The following CFAP91 variants were observed in gnomAD, a reference collection of about 807,000 sequenced individuals.
The protein encoded by CFAP91 is cilia and flagella associated protein 91, also known as cilia- and flagella-associated protein 91.
CFAP91 carries 85 observed loss-of-function variants against 95.9 expected under a neutral mutation model. The observed-to-expected ratio is 0.89, with a 90% confidence interval of 0.74 to 1.06. CFAP91 has a LOEUF of 1.06. CFAP91 is among the 50% of genes least tolerant of loss of function. CFAP91 has a pLI of 0.00. For missense variants in CFAP91, 962 were observed against 943.4 expected (o/e 1.02, Z -0.26); for synonymous variants, 335 against 327.5 (o/e 1.02, Z -0.25).
In CFAP91 at chr3:119,730,707, C is replaced by G. The variant is rs574142300; in HGVS notation, c.1018+330C>G. 9.2e-5 allele frequency among the ~76,000 whole-genome samples: 14 copies of G among 151,540 alleles called. No individual in the cohort carries two copies. The South Asian group carries it at 2.9e-3, about 32-fold the overall frequency. On this transcript the variant is annotated intron_variant, in intron 8 of 17. Coordinates refer to ENST00000273390, the MANE Select transcript of CFAP91 (RefSeq NM_033364.4). ...GGTCCACAGCCCTGGATAAAGAGCC[C>G]TGTTTCTTACCCTTTCTTCATTTTG...
At chr3:119,735,305 A>G (rs1364956072) in intron 10 of CFAP91, among the ~76,000 whole-genome samples, 3 of 152,076 alleles carry the variant, frequency 2.0e-5, no homozygotes, top group African/African-American at 7.2e-5. Flanking sequence ...GGTTTGTTTC[A>G]CAGGTCTTAC....
chr3:119,706,906 A>G, intron 2 of CFAP91, 21 bp downstream of exon 2: 1 of 1,593,654 alleles, frequency 6.3e-7, no homozygotes, highest in Non-Finnish European at 8.6e-7. Flanking sequence ...TTCATCAGCC[A>G]AGGCTACCTG....
intron 1 of CFAP91, chr3:119,706,203 T>C (rs2053357397): frequency 6.6e-6 from 1 of 152,452 alleles, no homozygotes; most frequent in African/African-American, 2.4e-5. Flanking sequence ...AAGATATACC[T>C]GATAAACAGA....
intron 6 of CFAP91, 106 bp downstream of exon 6, chr3:119,715,849 A>G: frequency 9.9e-7 from 1 of 1,007,828 alleles, no homozygotes. Context: ...GTGTTGCTAT[A>G]TAAAGTGTCT....
intron 16 of CFAP91, 56 bp from the exon 17 acceptor site, chr3:119,750,881 G>A (rs559092113): frequency 1.9e-6 from 3 of 1,589,626 alleles, no homozygotes; most frequent in East Asian, 2.2e-5. Context: ...TGAAACATTT[G>A]GGAATGGTTT....
chr3:119,738,097 C>T (rs997016181), intron 11 of CFAP91, among the ~76,000 whole-genome samples: 1 of 152,092 alleles, frequency 6.6e-6, no homozygotes, highest in Non-Finnish European at 1.5e-5. Flanking sequence ...GGCTGGTCAG[C>T]ACATTATCTC....
chr3:119,732,262 A>G (rs1394625911), intron 8 of CFAP91, 32 bp from the exon 9 acceptor site: 1 of 1,505,194 alleles, frequency 6.6e-7, no homozygotes. Context: ...ACAATATTTT[A>G]GAGATAGTCA....
chr3:119,727,658 G>A (rs77752022), intron 7 of CFAP91, among the ~76,000 whole-genome samples: 7,690 of 152,216 alleles, frequency 0.051, 274 homozygotes, highest in Admixed American at 0.067. Context: ...AGGGACAAAA[G>A]ATCTTAGTTA....
intron 17 of CFAP91, among the ~76,000 whole-genome samples, chr3:119,754,232 G>A (rs536282666): frequency 4.6e-5 from 7 of 152,334 alleles, no homozygotes; most frequent in African/African-American, 1.7e-4. Flanking sequence ...TGACTGAACT[G>A]TGTTCTAGTG....
intron 6 of CFAP91, among the ~76,000 whole-genome samples, chr3:119,720,821 TAC>T (rs1026340019): frequency 6.6e-6 from 1 of 152,252 alleles, no homozygotes; most frequent in African/African-American, 2.4e-5. Context: ...GCATATAACC[TAC>T]ACACATCCTC....
chr3:119,717,988 A>G (rs987939343), intron 6 of CFAP91, among the ~76,000 whole-genome samples: 4 of 152,110 alleles, frequency 2.6e-5, no homozygotes, highest in African/African-American at 7.2e-5. Flanking sequence ...GGTGATGAGC[A>G]GGGTTCTAAG....
intron 11 of CFAP91, among the ~76,000 whole-genome samples, chr3:119,738,413 A>G (rs1276708816): frequency 8.1e-6 from 1 of 124,218 alleles, no homozygotes; most frequent in African/African-American, 3.1e-5. Context: ...CAGTGGTGCA[A>G]CCTTGGCTCA....
chr3:119,764,807 A>G (rs1165654595), intron 17 of CFAP91, among the ~76,000 whole-genome samples: 3 of 152,104 alleles, frequency 2.0e-5, no homozygotes, highest in Non-Finnish European at 4.4e-5. Context: ...TGATGTATGT[A>G]TACAACCCAG....
chr3:119,746,235 G>A (rs2054216901), intron 14 of CFAP91, among the ~76,000 whole-genome samples: 1 of 152,184 alleles, frequency 6.6e-6, no homozygotes, highest in Non-Finnish European at 1.5e-5. Context: ...TGAGATACTG[G>A]CAGTTACTAT....
chr3:119,707,398 C>A lies in CFAP91; in HGVS notation c.202-6C>A. 1 of 1,529,422 alleles carries A rather than the reference C, an allele frequency of 6.5e-7. No homozygotes were observed. Among genetic ancestry groups the A allele is most frequent in the South Asian group, 1.3e-5 (1 of 78,710 alleles). 94.7% of individuals were successfully genotyped at this position (1,529,422 alleles called of 1,614,324 possible). A position where few individuals can be genotyped will look rare whatever the true frequency, so the allele number is the denominator to read the frequency against. On this transcript the variant is annotated splice_region_variant and splice_polypyrimidine_tract_variant and intron_variant, in intron 2 of 17. Transcript: ENST00000273390. ...TTTGTCCTTTGCCTCCCTTCTCTAA[C>A]ATTAGAGAAAAGTTCCCAGGTTTAA... is the stretch of plus-strand genomic sequence containing the variant.
In CFAP91 at chr3:119,747,159, C is replaced by T; in HGVS notation, c.1947C>T (p.Asp649=). Residue 649 remains aspartate (D), a synonymous_variant, in exon 15 of 18, where the codon GAC becomes GAT. Coordinates refer to ENST00000273390, the MANE Select transcript of CFAP91 (RefSeq NM_033364.4). The part of the protein sequence containing the change: ...HHSTISSYLE[D]IILNTEANTA... The stretch of plus-strand genomic sequence containing the variant: ...GTACTATAAGCTCCTACCTAGAAGA[C>T]ATAATACTGAATACCGAAGCGAATA... 1.2e-6 allele frequency: 2 copies of T among 1,613,472 alleles called. No individual in the cohort carries two copies. Among genetic ancestry groups the T allele is most frequent in the Non-Finnish European group, 1.7e-6 (2 of 1,179,702 alleles).
chr3:119,712,592 T>C (rs2053491298), intron 5 of CFAP91, among the ~76,000 whole-genome samples: 2 of 152,214 alleles, frequency 1.3e-5, no homozygotes, highest in Non-Finnish European at 2.9e-5. Context: ...AGAAGCCATA[T>C]ATTATCTACA....
At chr3:119,740,825 C>G (rs1236121040) in intron 13 of CFAP91, 130 bp downstream of exon 13, 3 of 969,758 alleles carry the variant, frequency 3.1e-6, no homozygotes, top group South Asian at 1.4e-5. Flanking sequence ...TCCCATCACT[C>G]TGTCAGCATT....
At chr3:119,719,219 T>C (rs899267724) in intron 6 of CFAP91, among the ~76,000 whole-genome samples, 2 of 152,240 alleles carry the variant, frequency 1.3e-5, no homozygotes, top group African/African-American at 4.8e-5. Context: ...TGATTTCATT[T>C]ACATAAAATG....
Sources: gnomAD v4.1 joint callset for allele counts (sites outside exome capture counted in the v4.1 genomes callset) on GRCh38, gnomAD v4.1.1 for gene constraint, MANE v1.5 for transcripts, NCBI Gene and HGNC (gene_info 2026-07-23, HGNC 2026-07-21) for gene names.